Variants in RAF1 observed in about 807,000 individuals in gnomAD.
RAF1 encodes RAF proto-oncogene serine/threonine-protein kinase.
RAF1 carries 27 observed loss-of-function variants against 81.1 expected under a neutral mutation model. The ratio of observed to expected loss-of-function variants is 0.33; its 90% CI spans 0.25 to 0.46. RAF1 has a LOEUF of 0.46. Among genes scored for constraint, RAF1 ranks in the 20% least tolerant of loss-of-function variants. The pLI is 1.00. For missense variants in RAF1, 598 were observed against 826.0 expected (o/e 0.72, Z 3.38); for synonymous variants, 298 against 294.0 (o/e 1.01, Z -0.14).
chr3:12,652,750 C>G (rs531278687), intron 1 of RAF1, among the ~76,000 whole-genome samples: 1 of 151,746 alleles, frequency 6.6e-6, no homozygotes, highest in Non-Finnish European at 1.5e-5. Flanking sequence ...GAGGTTGAGA[C>G]CAGCCTGTCC....
intron 1 of RAF1, among the ~76,000 whole-genome samples, chr3:12,630,743 A>G (rs1305199332): frequency 6.6e-6 from 1 of 152,156 alleles, no homozygotes; most frequent in Non-Finnish European, 1.5e-5. Flanking sequence ...CCTTTTACTG[A>G]GTGAAGTGGG....
chr3:12,584,918 G>A lies in RAF1; in HGVS notation c.1792C>T (p.Pro598Ser). Residue 598 changes from proline (P) to serine (S), a missense_variant, in exon 17 of 18, where the codon CCC becomes TCC. By Grantham distance (74) the Pro-to-Ser change is moderately conservative. This residue lies in a region of RAF1 where 147 missense variants were observed against 196.1 expected (regional missense o/e 0.75). Transcript: ENST00000442415. ...GCTACCAGCCTCTTCATTGCTTTGGGGCAGTTCTTATATAGCTTACTAAGA... is the reference window on the plus strand; with the variant it reads ...GCTACCAGCCTCTTCATTGCTTTGGAGCAGTTCTTATATAGCTTACTAAGA... The A allele has an allele frequency of 1.2e-6, 2 of 1,614,122 alleles. No individual in the cohort carries two copies. The highest frequency in any genetic ancestry group is 1.7e-6 in the Non-Finnish European group (2 of 1,180,028).
rs3730296 is a variant in RAF1, at chr3:12,584,895, T to C, written c.1815A>G (p.Val605=). ...CCTTTACTTTCTTCACACAGTCAGC[T>C]ACCAGCCTCTTCATTGCTTTGGGGC... The change falls in exon 17 of 18, where the codon GTA becomes GTG. Residue 605 remains valine, a synonymous_variant. Transcript: ENST00000442415. 5,848 of 1,614,176 alleles carry C rather than the reference T, an allele frequency of 3.6e-3. 181 individuals carry two copies. The African/African-American group carries it at 0.068, about 19-fold the overall frequency.
chr3:12,639,888 C>G (rs944959072), intron 1 of RAF1, among the ~76,000 whole-genome samples: 2 of 151,918 alleles, frequency 1.3e-5, no homozygotes, highest in African/African-American at 4.8e-5. Context: ...CATATGGAAC[C>G]AAAAAAGAGC....
chr3:12,662,002 T>C (rs1368040031), intron 1 of RAF1, among the ~76,000 whole-genome samples: 4 of 151,436 alleles, frequency 2.6e-5, no homozygotes, highest in African/African-American at 9.7e-5. Context: ...CTGGCCAACA[T>C]AGTGTGACCC....
intron 2 of RAF1, among the ~76,000 whole-genome samples, chr3:12,613,625 G>A (rs573848492): frequency 6.6e-6 from 1 of 152,246 alleles, no homozygotes; most frequent in Admixed American, 6.5e-5. Flanking sequence ...TAAGAAAGAG[G>A]ACATAGTTAT....
At chr3:12,645,533 T>G (rs1488657178) in intron 1 of RAF1, among the ~76,000 whole-genome samples, 2 of 152,208 alleles carry the variant, frequency 1.3e-5, no homozygotes, top group African/African-American at 4.8e-5. Context: ...TATTGTTTAA[T>G]GATGTTACTA....
chr3:12,624,004 A>G (rs2059627190), intron 1 of RAF1, among the ~76,000 whole-genome samples: 1 of 151,546 alleles, frequency 6.6e-6, no homozygotes, highest in South Asian at 2.1e-4. Context: ...ACAGGCATGT[A>G]CCACCACACC....
At chr3:12,596,373 T>C (rs58942085) in intron 11 of RAF1, among the ~76,000 whole-genome samples, 4 of 151,902 alleles carry the variant, frequency 2.6e-5, no homozygotes, top group African/African-American at 7.2e-5. Context: ...TTTTTATTTT[T>C]AGTGGAGACA....
At chr3:12,634,925 A>G (rs780050025) in intron 1 of RAF1, among the ~76,000 whole-genome samples, 1 of 152,184 alleles carries the variant, frequency 6.6e-6, no homozygotes, top group African/African-American at 2.4e-5. Flanking sequence ...TATACTATTC[A>G]TGGTTTACAA....
At chr3:12,624,061 G>T (rs969668233) in intron 1 of RAF1, among the ~76,000 whole-genome samples, 4 of 151,744 alleles carry the variant, frequency 2.6e-5, no homozygotes, top group African/African-American at 9.7e-5. Flanking sequence ...CTCCATGTTT[G>T]CCAGGCTGGT....
intron 1 of RAF1, among the ~76,000 whole-genome samples, chr3:12,642,719 C>CACAA (rs1491570753): frequency 8.5e-5 from 12 of 141,480 alleles, no homozygotes; most frequent in East Asian, 4.1e-4. Context: ...CACACACACA[C>CACAA]AAAATAGCTG....
chr3:12,585,880 G>A (rs897282706), intron 14 of RAF1, 81 bp from the exon 14 acceptor site: 37 of 967,534 alleles, frequency 3.8e-5, no homozygotes, highest in African/African-American at 3.2e-4. Flanking sequence ...TTTATAACAC[G>A]GTAATCTCTC....
chr3:12,585,650 A>C (rs1475110323), intron 15 of RAF1, 31 bp downstream of exon 14: 9 of 1,548,152 alleles, frequency 5.8e-6, no homozygotes, highest in Non-Finnish European at 5.4e-6. Context: ...GCCCTATACC[A>C]GAGACTGCTG....
At chr3:12,657,812 C>T (rs901845760) in intron 1 of RAF1, among the ~76,000 whole-genome samples, 1 of 151,248 alleles carries the variant, frequency 6.6e-6, no homozygotes, top group Non-Finnish European at 1.5e-5. Flanking sequence ...ATTATATTCA[C>T]AGTTGTGGAT....
At chr3:12,589,923 T>TGG (rs1381031940) in intron 13 of RAF1, 1 of 151,386 alleles carries the variant, frequency 6.6e-6, no homozygotes, top group East Asian at 2.0e-4. Context: ...CCCGAGTAGC[T>TGG]GGGATTACAA....
At chr3:12,636,187 G>A (rs1031171097) in intron 1 of RAF1, among the ~76,000 whole-genome samples, 1 of 151,592 alleles carries the variant, frequency 6.6e-6, no homozygotes, top group Non-Finnish European at 1.5e-5. Flanking sequence ...TTGGGAAGCT[G>A]AGGCAGGAGA....
chr3:12,652,803 G>C (rs998948060), intron 1 of RAF1, among the ~76,000 whole-genome samples: 2 of 151,456 alleles, frequency 1.3e-5, no homozygotes, highest in African/African-American at 4.9e-5. Context: ...CAAAAAATTA[G>C]CCAGGTGTTA....
intron 2 of RAF1, among the ~76,000 whole-genome samples, chr3:12,617,667 C>A (rs1181409832): frequency 9.9e-5 from 15 of 151,866 alleles, no homozygotes; most frequent in Admixed American, 9.8e-4. Context: ...AGGTGGATTA[C>A]CTGAGGTCAG....
Sources: gnomAD v4.1 joint callset for allele counts (sites outside exome capture counted in the v4.1 genomes callset) on GRCh38, gnomAD v4.1.1 for gene constraint, gnomAD v4.1.1 regional missense constraint, MANE v1.5 for transcripts, NCBI Gene and HGNC (gene_info 2026-07-23, HGNC 2026-07-21) for gene names.